CDH18: variants seen among roughly 807,000 people sequenced by gnomAD.
CDH18 encodes the protein cadherin-18.
A neutral mutation model predicts 67.9 loss-of-function variants in CDH18; 31 were observed. The observed-to-expected ratio is 0.46, with a 90% CI of 0.34 to 0.62. The LOEUF (loss-of-function observed/expected upper bound fraction) is 0.62, where lower values mean the gene tolerates loss of function less well. CDH18 is among the 20% of genes least tolerant of loss of function. The pLI is 0.01. For missense variants in CDH18, 890 were observed against 975.5 expected, an observed-to-expected ratio of 0.91 and a Z score of 1.17; for synonymous variants, 362 against 347.2, an observed-to-expected ratio of 1.04 and a Z score of -0.48.
At chr5:19,837,057 T>C (rs1781730792) in intron 3 of CDH18, among the ~76,000 whole-genome samples, 1 of 152,120 alleles carries the variant, frequency 6.6e-6, no homozygotes. Context: ...GACACATTTA[T>C]ACCAGGGAAT....
At chr5:19,558,076 TA>T (rs1201130164) in intron 8 of CDH18, among the ~76,000 whole-genome samples, 23 of 152,136 alleles carry the variant, frequency 1.5e-4, no homozygotes, top group Admixed American at 7.2e-4. Flanking sequence ...AAATGGAAAT[TA>T]AAAAATTTTT....
intron 2 of CDH18, among the ~76,000 whole-genome samples, chr5:20,225,560 G>A (rs1012508359): frequency 5.9e-5 from 9 of 152,074 alleles, no homozygotes; most frequent in African/African-American, 2.2e-4. Context: ...GTACCTAATG[G>A]AGAAAACAGT....
chr5:19,799,658 A>G (rs970985644), intron 3 of CDH18, among the ~76,000 whole-genome samples: 5 of 152,118 alleles, frequency 3.3e-5, no homozygotes, highest in African/African-American at 1.2e-4. Context: ...TTGCTGCTAC[A>G]CTACTATTTC....
chr5:19,900,515 A>G (rs1373189625), intron 2 of CDH18, among the ~76,000 whole-genome samples: 2 of 152,312 alleles, frequency 1.3e-5, no homozygotes, highest in East Asian at 3.9e-4. Context: ...CGATAATTTG[A>G]CAATTACACA....
chr5:20,025,605 C>T (rs1738826873), intron 2 of CDH18, among the ~76,000 whole-genome samples: 1 of 152,084 alleles, frequency 6.6e-6, no homozygotes, highest in African/African-American at 2.4e-5. Context: ...TTATTTTTGT[C>T]TTTGGCCAAA....
At chr5:19,731,182 G>A (rs1473454740) in intron 4 of CDH18, among the ~76,000 whole-genome samples, 1 of 152,136 alleles carries the variant, frequency 6.6e-6, no homozygotes, top group Non-Finnish European at 1.5e-5. Flanking sequence ...AGGCGCAGCG[G>A]CTTACACCTG....
Position 19,983,644 on chromosome 5 carries a change from G to A in CDH18, c.-375-2466C>T, listed in dbSNP as rs189439339. Among the ~76,000 whole-genome samples, 745 of 152,218 alleles carry A rather than the reference G, an allele frequency of 4.9e-3. 6 individuals are homozygous for A. The highest frequency in any genetic ancestry group is 0.01 in the African/African-American group (431 of 41,536). ...GAAATTTATATATCAGAACTTTCTA[G>A]TATCCACAAAAGCAACATCTGAGCA... On this transcript the variant is annotated intron_variant, in intron 1 of 12. Transcript: ENST00000382275.
At chr5:19,907,652 G>T (rs1790677343) in intron 2 of CDH18, among the ~76,000 whole-genome samples, 1 of 152,044 alleles carries the variant, frequency 6.6e-6, no homozygotes, top group African/African-American at 2.4e-5. Flanking sequence ...TAAGGCTAAT[G>T]AAAATCATGA....
intron 2 of CDH18, among the ~76,000 whole-genome samples, chr5:20,195,837 T>A (rs923028278): frequency 2.6e-5 from 4 of 152,258 alleles, no homozygotes; most frequent in Admixed American, 1.3e-4. Context: ...GGGGCTTTTG[T>A]AAATATTGAG....
intron 1 of CDH18, among the ~76,000 whole-genome samples, chr5:20,270,917 A>C (rs1745389441): frequency 6.6e-6 from 1 of 152,098 alleles, no homozygotes; most frequent in Admixed American, 6.6e-5. Context: ...CTCACTTATA[A>C]GTAGGAGCTA....
intron 4 of CDH18, among the ~76,000 whole-genome samples, chr5:19,726,338 A>C (rs1009881311): frequency 6.6e-6 from 1 of 152,244 alleles, no homozygotes; most frequent in Non-Finnish European, 1.5e-5. Flanking sequence ...TAACAGCTAC[A>C]TACATTTCTG....
intron 5 of CDH18, among the ~76,000 whole-genome samples, chr5:19,614,998 T>C (rs1308870310): frequency 2.6e-5 from 4 of 151,870 alleles, no homozygotes; most frequent in Non-Finnish European, 4.4e-5. Flanking sequence ...ATACAAAAAA[T>C]TAGCTGGGCG....
intron 2 of CDH18, among the ~76,000 whole-genome samples, chr5:19,844,916 C>G (rs1377120052): frequency 1.3e-5 from 2 of 152,176 alleles, no homozygotes; most frequent in African/African-American, 4.8e-5. Context: ...CAACACAGTT[C>G]AAACAAATTT....
At chr5:19,939,882 A>T (rs541938655) in intron 2 of CDH18, among the ~76,000 whole-genome samples, 4 of 152,002 alleles carry the variant, frequency 2.6e-5, no homozygotes, top group Non-Finnish European at 5.9e-5. Flanking sequence ...TAAATGCTTT[A>T]TATATTTGTG....
chr5:19,777,537 CT>C (rs1774541301), intron 3 of CDH18, among the ~76,000 whole-genome samples: 1 of 152,190 alleles, frequency 6.6e-6, no homozygotes, highest in Non-Finnish European at 1.5e-5. Flanking sequence ...CCACACTGTG[CT>C]TGTGAAGAAT....
chr5:20,565,680 G>T (rs1758461423), intron 1 of CDH18, among the ~76,000 whole-genome samples: 2 of 151,468 alleles, frequency 1.3e-5, no homozygotes, highest in South Asian at 4.2e-4. Context: ...ACAGTGGGGA[G>T]TAAGCCTGCA....
chr5:20,394,359 G>A (rs1416208437), intron 1 of CDH18, among the ~76,000 whole-genome samples: 1 of 152,056 alleles, frequency 6.6e-6, no homozygotes, highest in African/African-American at 2.4e-5. Flanking sequence ...ATAGTCACAT[G>A]TAGAAGAACG....
intron 1 of CDH18, among the ~76,000 whole-genome samples, chr5:20,376,753 A>T (rs994098784): frequency 6.6e-6 from 1 of 151,836 alleles, no homozygotes; most frequent in Admixed American, 6.6e-5. Context: ...GTGGTGGCTC[A>T]CACATGTAAT....
intron 3 of CDH18, among the ~76,000 whole-genome samples, chr5:19,782,357 C>G (rs952516383): frequency 6.6e-6 from 1 of 152,088 alleles, no homozygotes; most frequent in African/African-American, 2.4e-5. Context: ...ACTACCTCCA[C>G]CTGGTTCCGC....
Sources: gnomAD v4.1 joint callset for allele counts (sites outside exome capture counted in the v4.1 genomes callset) on GRCh38, gnomAD v4.1.1 for gene constraint, MANE v1.5 for transcripts, NCBI Gene and HGNC (gene_info 2026-07-23, HGNC 2026-07-21) for gene names.